ANAPC10: variants seen among roughly 807,000 people sequenced by gnomAD.
The protein encoded by ANAPC10 is anaphase-promoting complex subunit 10.
In ANAPC10, 12 loss-of-function variants were observed where a neutral mutation model predicts 22.0. That is an observed-to-expected ratio of 0.55 (90% CI 0.35 to 0.88). ANAPC10 has a LOEUF of 0.88. Among genes scored for constraint, ANAPC10 ranks in the 40% least tolerant of loss-of-function variants. The probability of loss-of-function intolerance (pLI) is 0.01; values close to 1 mark genes in which losing one functional copy is unlikely to be tolerated. For missense variants in ANAPC10, 188 were observed against 220.9 expected, an observed-to-expected ratio of 0.85 and a Z score of 0.94; for synonymous variants, 65 against 69.5, an observed-to-expected ratio of 0.94 and a Z score of 0.32.
rs542248181 is a variant in ANAPC10 at position 144,996,848 on chromosome 4, T to C, written c.328-1245A>G. The stretch of plus-strand genomic sequence containing the variant: ...GAAGCTAAAAACCTTGAAAAAAGAT[T>C]AGACGAATGGCTAACTAGAATAAAC... On this transcript the variant is annotated intron_variant, in intron 4 of 4. Coordinates refer to ENST00000507656, the MANE Select transcript of ANAPC10 (RefSeq NM_001256706.2). 1.4e-4 allele frequency among the ~76,000 whole-genome samples: 22 copies of C among 152,236 alleles called. No homozygotes were observed. The South Asian group carries it at 4.6e-3, about 32-fold the overall frequency.
chr4:145,018,604 C>T (rs982214352), intron 4 of ANAPC10, among the ~76,000 whole-genome samples: 4 of 151,714 alleles, frequency 2.6e-5, no homozygotes, highest in Non-Finnish European at 5.9e-5. Flanking sequence ...TGCCATTGCA[C>T]TCAGCCTGGG....
At chr4:145,082,387 G>A (rs1410290341) in intron 2 of ANAPC10, among the ~76,000 whole-genome samples, 1 of 152,236 alleles carries the variant, frequency 6.6e-6, no homozygotes, top group Non-Finnish European at 1.5e-5. Context: ...AACTTCAAGT[G>A]ATCCAGCCGC....
intron 4 of ANAPC10, among the ~76,000 whole-genome samples, chr4:145,000,697 G>C (rs1258208921): frequency 6.6e-6 from 1 of 152,104 alleles, no homozygotes; most frequent in African/African-American, 2.4e-5. Context: ...CCCATTACTG[G>C]GTATATACCC....
At chr4:145,023,650 T>A (rs946146564) in intron 4 of ANAPC10, among the ~76,000 whole-genome samples, 11 of 152,286 alleles carry the variant, frequency 7.2e-5, no homozygotes, top group African/African-American at 2.6e-4. Context: ...GCAATAGCAT[T>A]ACATCTAAGA....
intron 2 of ANAPC10, among the ~76,000 whole-genome samples, chr4:145,083,095 T>C (rs969323257): frequency 6.6e-6 from 1 of 152,182 alleles, no homozygotes; most frequent in African/African-American, 2.4e-5. Flanking sequence ...TTAATTTTAC[T>C]TAACATATCT....
rs750994895 is a variant in ANAPC10, at chr4:145,095,957, A to C, written c.115+28T>G. Reference sequence around the variant, plus strand: ...AAGGAAACTGCAAGTGACTATTTCCAACAGCTTTTTTGTTTGTTAGTTTTT... The same window carrying C: ...AAGGAAACTGCAAGTGACTATTTCCCACAGCTTTTTTGTTTGTTAGTTTTT... On this transcript the variant is annotated intron_variant, in intron 2 of 4. Coordinates refer to ENST00000507656, the MANE Select transcript of ANAPC10 (RefSeq NM_001256706.2). The C allele has an allele frequency of 2.5e-6, 4 of 1,613,938 alleles. No individual in the cohort carries two copies. The South Asian group carries it at 4.4e-5, about 18-fold the overall frequency.
intron 4 of ANAPC10, among the ~76,000 whole-genome samples, chr4:145,022,600 A>G (rs751644049): frequency 6.6e-6 from 1 of 152,034 alleles, no homozygotes; most frequent in Non-Finnish European, 1.5e-5. Flanking sequence ...AATCACCACT[A>G]AAGAACTTAC....
At chr4:144,996,834 C>G (rs936470307) in intron 4 of ANAPC10, among the ~76,000 whole-genome samples, 1 of 152,052 alleles carries the variant, frequency 6.6e-6, no homozygotes, top group Non-Finnish European at 1.5e-5. Context: ...AAGCTAAAAA[C>G]CTTGAAAAAA....
chr4:145,076,294 G>A (rs1016542125), intron 3 of ANAPC10, among the ~76,000 whole-genome samples: 1 of 152,160 alleles, frequency 6.6e-6, no homozygotes, highest in Non-Finnish European at 1.5e-5. Context: ...CTGTTCAAAG[G>A]CCCTCTGGAT....
At chr4:145,057,716 C>T (rs1247192764) in intron 4 of ANAPC10, among the ~76,000 whole-genome samples, 1 of 152,114 alleles carries the variant, frequency 6.6e-6, no homozygotes, top group Non-Finnish European at 1.5e-5. Context: ...ATCTAAGTCC[C>T]TTTCTCTCTG....
At chr4:145,007,805 A>G (rs1344135584) in intron 4 of ANAPC10, among the ~76,000 whole-genome samples, 1 of 152,096 alleles carries the variant, frequency 6.6e-6, no homozygotes, top group Non-Finnish European at 1.5e-5. Flanking sequence ...AAGCTAGCAG[A>G]AGGCAAGAAA....
chr4:145,003,620 T>C (rs539927269), intron 4 of ANAPC10, among the ~76,000 whole-genome samples: 1 of 152,334 alleles, frequency 6.6e-6, no homozygotes, highest in Non-Finnish European at 1.5e-5. Flanking sequence ...TTGCTTGTTT[T>C]TGTCGACTTC....
chr4:145,066,963 C>T (rs1400122618), intron 3 of ANAPC10, among the ~76,000 whole-genome samples: 1 of 152,062 alleles, frequency 6.6e-6, no homozygotes, highest in Non-Finnish European at 1.5e-5. Context: ...AGGTAGGTGT[C>T]TGTAGTTTTT....
chr4:145,066,425 G>A (rs1286214783), intron 3 of ANAPC10, among the ~76,000 whole-genome samples: 1 of 152,058 alleles, frequency 6.6e-6, no homozygotes, highest in Non-Finnish European at 1.5e-5. Flanking sequence ...TAAGCAGGAA[G>A]TAAATGGTCT....
At chr4:145,081,968 C>G (rs530815812) in intron 2 of ANAPC10, among the ~76,000 whole-genome samples, 13 of 152,258 alleles carry the variant, frequency 8.5e-5, no homozygotes, top group African/African-American at 3.1e-4. Flanking sequence ...CCTTGGCCTC[C>G]CAAAGTGCAG....
intron 3 of ANAPC10, among the ~76,000 whole-genome samples, chr4:145,067,151 T>C (rs959652528): frequency 1.3e-5 from 2 of 152,184 alleles, no homozygotes; most frequent in African/African-American, 4.8e-5. Context: ...ATCAATTTTA[T>C]CTCATGATGA....
In ANAPC10 at chr4:145,069,907, G is replaced by C. The variant is rs540056338; in HGVS notation, c.207-5215C>G. ...CAATGACACTCTTCTCACTATTTTTGTTGTTGTTCATTTGGGAAGAGACAG... is the reference window on the plus strand; with the variant it reads ...CAATGACACTCTTCTCACTATTTTTCTTGTTGTTCATTTGGGAAGAGACAG... On this transcript the variant is annotated intron_variant, in intron 3 of 4. Transcript: ENST00000507656. 1.5e-4 allele frequency among the ~76,000 whole-genome samples: 23 copies of C among 151,932 alleles called. No homozygotes were observed. The South Asian group carries it at 4.8e-3, about 32-fold the overall frequency.
At chr4:145,062,628 G>A (rs1743064492) in intron 4 of ANAPC10, among the ~76,000 whole-genome samples, 1 of 151,638 alleles carries the variant, frequency 6.6e-6, no homozygotes, top group African/African-American at 2.4e-5. Context: ...AAAAAAAAAA[G>A]TAAATTAAGA....
Position 145,064,672 on chromosome 4 carries a change from G to A in ANAPC10, c.227C>T (p.Thr76Ile). The A allele has an allele frequency of 6.5e-7, 1 of 1,544,752 alleles. No homozygotes were observed. Among genetic ancestry groups the A allele is most frequent in the Non-Finnish European group, 8.8e-7 (1 of 1,142,508 alleles). Residue 76 changes from threonine (T) to isoleucine (I), a missense_variant, in exon 4 of 5, where the codon ACA (threonine) becomes ATA (isoleucine). By Grantham distance (89) the Thr-to-Ile change is moderately conservative. Coordinates refer to ENST00000507656, the MANE Select transcript of ANAPC10 (RefSeq NM_001256706.2). ...TTTGTAGTCTGCATAAATACATAATGTCTTCACTGTTGTTTTTCTTCTAAA... is the reference window on the plus strand; with the variant it reads ...TTTGTAGTCTGCATAAATACATAATATCTTCACTGTTGTTTTTCTTCTAAA... The part of the protein sequence containing the change: ...IQFRRKTTVK[T>I]LCIYADYKSD...
Sources: gnomAD v4.1 joint callset for allele counts (sites outside exome capture counted in the v4.1 genomes callset) on GRCh38, gnomAD v4.1.1 for gene constraint, MANE v1.5 for transcripts, NCBI Gene and HGNC (gene_info 2026-07-23, HGNC 2026-07-21) for gene names.